The following TGFB2 variants were observed in gnomAD, a reference collection of about 807,000 sequenced individuals.
The protein encoded by TGFB2 is transforming growth factor beta 2.
Under a neutral mutation model 42.7 loss-of-function variants are expected in TGFB2, and 13 were observed. The observed-to-expected ratio is 0.30, with a 90% CI of 0.20 to 0.48. The LOEUF (loss-of-function observed/expected upper bound fraction) is 0.48, where lower values mean the gene tolerates loss of function less well. Among genes scored for constraint, TGFB2 ranks in the 20% least tolerant of loss-of-function variants. TGFB2 has a pLI of 0.99. For missense variants in TGFB2, 390 were observed against 517.5 expected (o/e 0.75, Z 2.39); for synonymous variants, 193 against 193.6 (o/e 1.00, Z 0.03).
chr1:218,408,012 C>CT (rs906543160), intron 2 of TGFB2, among the ~76,000 whole-genome samples: 2 of 152,128 alleles, frequency 1.3e-5, no homozygotes, highest in Non-Finnish European at 2.9e-5. Flanking sequence ...TTTTTCTTCT[C>CT]TTTTTTACCA....
At chr1:218,380,377 T>C (rs749583935) in intron 1 of TGFB2, among the ~76,000 whole-genome samples, 5 of 152,148 alleles carry the variant, frequency 3.3e-5, no homozygotes, top group Non-Finnish European at 7.4e-5. Flanking sequence ...ACTCACATGG[T>C]GCACACACAT....
At chr1:218,441,182 C>T in intron 6 of TGFB2, 22 bp from the exon 7 acceptor site, 1 of 1,591,644 alleles carries the variant, frequency 6.3e-7, no homozygotes, top group Non-Finnish European at 8.5e-7. Context: ...TATGTTGTCT[C>T]TCCTCTCCTG....
At position 218,346,610 on chromosome 1, in the gene TGFB2, A is replaced by T; in HGVS notation, c.-92A>T. 3 of 1,196,668 alleles carry T rather than the reference A, an allele frequency of 2.5e-6. No individual in the cohort carries two copies. Among genetic ancestry groups the T allele is most frequent in the Non-Finnish European group, 3.4e-6 (3 of 872,354 alleles). The allele number at this position is 1,196,668 out of a possible 1,614,324, so 74.1% of individuals were successfully genotyped here. Reference sequence around the variant, plus strand: ...AAAAACAACAACAACAAAAAACCAAACAACTCTCCTTGATCTATACTTTGA... The same window carrying T: ...AAAAACAACAACAACAAAAAACCAATCAACTCTCCTTGATCTATACTTTGA... On this transcript the variant is annotated 5_prime_UTR_variant, in exon 1 of 7. Transcript: ENST00000366930. This position sits in a 1 kb window ranked among gnomAD's most constrained non-coding sequence, Gnocchi z 4.9.
rs531249179 is a variant in TGFB2 at position 218,366,960 on chromosome 1, G to T, written c.346+19913G>T. ...GTGCTTTCCATTTTCCCAAATGCAGGCAAATATTGAGGTAGTTTTTAATAA... is the reference window on the plus strand; with the variant it reads ...GTGCTTTCCATTTTCCCAAATGCAGTCAAATATTGAGGTAGTTTTTAATAA... On this transcript the variant is annotated intron_variant, in intron 1 of 6. Coordinates refer to ENST00000366930, the MANE Select transcript of TGFB2 (RefSeq NM_003238.6). 4.6e-5 allele frequency among the ~76,000 whole-genome samples: 7 copies of T among 152,278 alleles called. No homozygotes were observed. In the East Asian group the frequency reaches 1.4e-3, roughly 29 times the overall value.
At chr1:218,401,313 T>C (rs1658710945) in intron 1 of TGFB2, among the ~76,000 whole-genome samples, 1 of 152,224 alleles carries the variant, frequency 6.6e-6, no homozygotes, top group Non-Finnish European at 1.5e-5. Flanking sequence ...TAGTGACTAG[T>C]TAGATTTTCT....
chr1:218,383,159 T>G (rs1295612798), intron 1 of TGFB2, among the ~76,000 whole-genome samples: 4 of 152,206 alleles, frequency 2.6e-5, no homozygotes, highest in African/African-American at 7.2e-5. Context: ...GATGGAGTCT[T>G]AAGCTTTTGT....
chr1:218,384,957 G>A (rs573418093), intron 1 of TGFB2, among the ~76,000 whole-genome samples: 12 of 152,260 alleles, frequency 7.9e-5, no homozygotes, highest in African/African-American at 2.2e-4. Context: ...TCCTAAGGCC[G>A]ATGCCACAAT....
chr1:218,414,329 G>T (rs1265690248), intron 2 of TGFB2, among the ~76,000 whole-genome samples: 1 of 151,966 alleles, frequency 6.6e-6, no homozygotes, highest in Non-Finnish European at 1.5e-5. Context: ...CCAAAAAACT[G>T]TCTGTTAAAT....
rs1656671907 is a variant in TGFB2 at position 218,346,243 on chromosome 1, C to CGGAG, written c.-458_-457insGAGG. Reference sequence around the variant, plus strand: ...CTCACCGCGCTCCCGGCGCCCCTCCCGTCAGTTCGCCAGCTGCCAGCCCCG... The same window carrying CGGAG: ...CTCACCGCGCTCCCGGCGCCCCTCCCGGAGGTCAGTTCGCCAGCTGCCAGCCCCG... On this transcript the variant is annotated 5_prime_UTR_variant, in exon 1 of 7. Transcript: ENST00000366930. This position sits in a 1 kb window ranked among gnomAD's most constrained non-coding sequence, Gnocchi z 4.9. The CGGAG allele has an allele frequency of 6.4e-6, 1 of 156,156 alleles. No individual in the cohort carries two copies. Among genetic ancestry groups the CGGAG allele is most frequent in the South Asian group, 2.0e-4 (1 of 5,044 alleles). The allele number at this position is 156,156 out of a possible 1,614,324, so 9.7% of individuals were successfully genotyped here. A position where few individuals can be genotyped will look rare whatever the true frequency, so the allele number is the denominator to read the frequency against.
rs1442007453 is a variant in TGFB2, at chr1:218,405,642, T to A, written c.510+310T>A. The A allele has an allele frequency of 1.3e-5, 5 of 395,254 alleles. No individual in the cohort carries two copies. In the East Asian group the frequency reaches 2.8e-4, roughly 22 times the overall value. The allele number at this position is 395,254 out of a possible 1,614,324, so 24.5% of individuals were successfully genotyped here. ...CCTTGGCCTCAAAAAGTTTGGGGAT[T>A]ACAGACATGAGCCACCATACCTGGC... On this transcript the variant is annotated intron_variant, in intron 2 of 6. Transcript: ENST00000366930.
intron 6 of TGFB2, among the ~76,000 whole-genome samples, chr1:218,438,890 C>T (rs1035362015): frequency 2.6e-5 from 4 of 151,988 alleles, no homozygotes; most frequent in Non-Finnish European, 4.4e-5. Context: ...AGGTGGATCA[C>T]GAGGTCAGGA....
intron 2 of TGFB2, among the ~76,000 whole-genome samples, chr1:218,417,955 C>A (rs760793925): frequency 6.6e-6 from 1 of 152,246 alleles, no homozygotes; most frequent in African/African-American, 2.4e-5. Context: ...GATGCCCAGG[C>A]AGAAGTTTGC....
rs957164399 is a variant in TGFB2, at chr1:218,434,362, G to T, written c.668G>T (p.Ser223Ile). ...GACAGGAACCTGGGATTTAAAATAA[G>T]CTTACACTGTCCCTGCTGCACTTTT... is the stretch of plus-strand genomic sequence containing the variant. ...HKDRNLGFKISLHCPCCTFVP... is the reference protein window; with the variant it reads ...HKDRNLGFKIILHCPCCTFVP... Residue 223 changes from serine to isoleucine, a missense_variant, in exon 4 of 7, where the codon AGC becomes ATC. Transcript: ENST00000366930. 1.2e-6 allele frequency: 2 copies of T among 1,613,810 alleles called. No individual in the cohort carries two copies. The highest frequency in any genetic ancestry group is 1.3e-5 in the African/African-American group (1 of 74,898).
chr1:218,415,750 G>A (rs936766979), intron 2 of TGFB2, among the ~76,000 whole-genome samples: 8 of 150,164 alleles, frequency 5.3e-5, no homozygotes, highest in Non-Finnish European at 1.2e-4. Context: ...ATCAGAGTGG[G>A]AAAGGAGGAG....
intron 2 of TGFB2, among the ~76,000 whole-genome samples, chr1:218,429,586 T>A (rs1659738110): frequency 6.6e-6 from 1 of 152,180 alleles, no homozygotes; most frequent in East Asian, 1.9e-4. Flanking sequence ...AGTGCCAGCT[T>A]TCAGTTCTTT....
At chr1:218,429,277 G>A (rs916815310) in intron 2 of TGFB2, among the ~76,000 whole-genome samples, 3 of 152,166 alleles carry the variant, frequency 2.0e-5, no homozygotes, top group African/African-American at 7.2e-5. Flanking sequence ...CACTGTGCCT[G>A]GCCTATTCTG....
At chr1:218,413,986 T>C (rs536185863) in intron 2 of TGFB2, among the ~76,000 whole-genome samples, 63 of 152,208 alleles carry the variant, frequency 4.1e-4, no homozygotes, top group Non-Finnish European at 6.5e-4. Context: ...AAGATGGTAG[T>C]GGGGGGAGTG....
chr1:218,441,168 T>C lies in TGFB2; in HGVS notation c.1087-36T>C. 1.9e-6 allele frequency: 3 copies of C among 1,574,264 alleles called. No homozygotes were observed. The South Asian group carries it at 3.5e-5, about 19-fold the overall frequency. On this transcript the variant is annotated intron_variant, in intron 6 of 6. Coordinates refer to ENST00000366930, the MANE Select transcript of TGFB2 (RefSeq NM_003238.6). ...ACGAATTGCGTTCATTTTCCGTCTT[T>C]CCCTATGTTGTCTCTCCTCTCCTGT...
chr1:218,427,401 T>C (rs1174223245), intron 2 of TGFB2, among the ~76,000 whole-genome samples: 1 of 152,120 alleles, frequency 6.6e-6, no homozygotes, highest in Non-Finnish European at 1.5e-5. Context: ...TTGTTACATA[T>C]GTATACATGT....
Sources: allele counts gnomAD v4.1 joint callset (sites outside exome capture counted in the v4.1 genomes callset), GRCh38; gene constraint gnomAD v4.1.1; non-coding constraint Gnocchi (gnomAD v3.1); transcripts MANE v1.5; gene names NCBI Gene and HGNC (gene_info 2026-07-23, HGNC 2026-07-21).